ZNF423: variants seen among roughly 807,000 people sequenced by gnomAD.
ZNF423 encodes Ebf-associated zinc finger protein.
Under a neutral mutation model 95.8 loss-of-function variants are expected in ZNF423, and 12 were observed. The observed-to-expected ratio is 0.13, with a 90% CI of 0.08 to 0.20. The LOEUF (loss-of-function observed/expected upper bound fraction) is 0.20. ZNF423 is among the 10% of genes least tolerant of loss of function. The pLI is 1.00. For missense variants in ZNF423, 1,316 were observed against 1,737.1 expected, an observed-to-expected ratio of 0.76 and a Z score of 4.31; for synonymous variants, 749 against 711.9, an observed-to-expected ratio of 1.05 and a Z score of -0.83.
chr16:49,836,906 C>T (rs1845855077), intron 1 of ZNF423, among the ~76,000 whole-genome samples: 1 of 152,188 alleles, frequency 6.6e-6, no homozygotes, highest in African/African-American at 2.4e-5. Flanking sequence ...ACCCTGGGAA[C>T]CCAGGACAGG....
Position 49,662,129 on chromosome 16 carries a change from C to T in ZNF423, c.302-23255G>A, listed in dbSNP as rs540085460. On this transcript the variant is annotated intron_variant, in intron 3 of 7. Coordinates refer to ENST00000563137, the MANE Select transcript of ZNF423 (RefSeq NM_001379286.1). The stretch of plus-strand genomic sequence containing the variant: ...ACCCCCACTCCCAGGTTACCCTTCT[C>T]GCGGGCATCCCCAATTTACCACCTC... Among the ~76,000 whole-genome samples, 11 of 152,318 alleles carry T rather than the reference C, an allele frequency of 7.2e-5. No homozygotes were observed. In the South Asian group the frequency reaches 8.3e-4, roughly 11 times the overall value.
intron 5 of ZNF423, among the ~76,000 whole-genome samples, chr16:49,611,609 G>A (rs1419389932): frequency 6.6e-6 from 1 of 151,834 alleles, no homozygotes; most frequent in East Asian, 1.9e-4. Context: ...GATAAACATA[G>A]AACAAGCAGA....
At chr16:49,548,928 G>C (rs547496588) in intron 5 of ZNF423, among the ~76,000 whole-genome samples, 1 of 152,246 alleles carries the variant, frequency 6.6e-6, no homozygotes, top group East Asian at 1.9e-4. Context: ...CTGCAACACT[G>C]GTCTGACCAG....
intron 3 of ZNF423, among the ~76,000 whole-genome samples, chr16:49,651,922 T>C (rs2151904848): frequency 6.6e-6 from 1 of 152,098 alleles, no homozygotes; most frequent in African/African-American, 2.4e-5. Flanking sequence ...CACAAGATGG[T>C]TTTCAAACAA....
rs1214672290 is a variant in ZNF423 at position 49,701,509 on chromosome 16, T to G, written c.301+29262A>C. Among the ~76,000 whole-genome samples the G allele has an allele frequency of 2.6e-5, 4 of 151,818 alleles. No homozygotes were observed. The South Asian group carries it at 8.3e-4, about 32-fold the overall frequency. Reference sequence around the variant, plus strand: ...GGAGGGGAGCAAGTGGGCCAATATCTCAAACCGACCCCAAACGGTTAATGA... The same window carrying G: ...GGAGGGGAGCAAGTGGGCCAATATCGCAAACCGACCCCAAACGGTTAATGA... On this transcript the variant is annotated intron_variant, in intron 3 of 7. Transcript: ENST00000563137.
chr16:49,508,187 C>T (rs942531505), intron 7 of ZNF423, among the ~76,000 whole-genome samples: 3 of 152,078 alleles, frequency 2.0e-5, no homozygotes, highest in Non-Finnish European at 4.4e-5. Context: ...AAAGCACTAG[C>T]TAAATGACTC....
intron 2 of ZNF423, among the ~76,000 whole-genome samples, chr16:49,787,194 C>T (rs560250567): frequency 7.9e-5 from 12 of 152,252 alleles, no homozygotes; most frequent in Admixed American, 2.0e-4. Context: ...CCGTCTCACA[C>T]GCCCAGTGCT....
At chr16:49,753,925 AGAGGCT>A (rs1188362103) in intron 2 of ZNF423, among the ~76,000 whole-genome samples, 1 of 151,664 alleles carries the variant, frequency 6.6e-6, no homozygotes, top group Non-Finnish European at 1.5e-5. Flanking sequence ...CAGCTACTCC[AGAGGCT>A]GAGGCAGGAG....
chr16:49,492,706 C>T lies in ZNF423; in HGVS notation c.3850-1402G>A, dbSNP rs1005984920. On this transcript the variant is annotated intron_variant, in intron 7 of 7. Transcript: ENST00000563137. This position sits in a 1 kb window ranked among gnomAD's most constrained non-coding sequence, Gnocchi z 4.2. ...TGCTCATGCGGGCGGAGCAGGCGCACGGCCGGGGCTTGGTGGGCATGCGTG... is the reference window on the plus strand; with the variant it reads ...TGCTCATGCGGGCGGAGCAGGCGCATGGCCGGGGCTTGGTGGGCATGCGTG... Among the ~76,000 whole-genome samples, 2 of 152,158 alleles carry T rather than the reference C, an allele frequency of 1.3e-5. No homozygotes were observed. The highest frequency in any genetic ancestry group is 2.9e-5 in the Non-Finnish European group (2 of 68,010).
chr16:49,640,554 C>A (rs907883779), intron 3 of ZNF423, among the ~76,000 whole-genome samples: 2 of 152,174 alleles, frequency 1.3e-5, no homozygotes, highest in Non-Finnish European at 2.9e-5. Context: ...GGGTCCCTCA[C>A]AGCTGGGGCT....
intron 4 of ZNF423, among the ~76,000 whole-genome samples, chr16:49,628,534 T>TATCCATCCATCC (rs60254976): frequency 5.0e-4 from 76 of 150,992 alleles, no homozygotes; most frequent in African/African-American, 1.8e-3. Context: ...TCCATCCATC[T>TATCCATCCATCC]ATCCATCCAT....
chr16:49,729,013 G>A (rs906965905), intron 3 of ZNF423, among the ~76,000 whole-genome samples: 3 of 152,180 alleles, frequency 2.0e-5, no homozygotes, highest in African/African-American at 7.2e-5. Flanking sequence ...TTACAGGCAT[G>A]AGCCATCGTG....
At position 49,574,262 on chromosome 16, in the gene ZNF423, G is replaced by A. The variant is rs763372052; in HGVS notation, c.3602-48768C>T. On this transcript the variant is annotated intron_variant, in intron 5 of 7. Transcript: ENST00000563137. ...TAGCCATGCATGGTGGTACATGCCT[G>A]TGGTCCCAGCTAATCAGGAAGCTGA... is the stretch of plus-strand genomic sequence containing the variant. Among the ~76,000 whole-genome samples, 199 of 152,174 alleles carry A rather than the reference G, an allele frequency of 1.3e-3. 3 individuals carry two copies. The highest frequency in any genetic ancestry group is 3.4e-4 in the Non-Finnish European group (23 of 68,032).
intron 3 of ZNF423, 56 bp downstream of exon 3, chr16:49,730,715 T>G (rs1269524795): frequency 6.4e-7 from 1 of 1,569,608 alleles, no homozygotes. Context: ...AAGCTGTTGC[T>G]ATGTCCAATT....
intron 3 of ZNF423, among the ~76,000 whole-genome samples, chr16:49,708,623 C>T (rs2032438297): frequency 6.6e-6 from 1 of 152,136 alleles, no homozygotes; most frequent in African/African-American, 2.4e-5. Context: ...ACTCTACCAC[C>T]TCAGGGACCC....
At chr16:49,494,563 G>A (rs1596994914) in intron 7 of ZNF423, among the ~76,000 whole-genome samples, 1 of 152,340 alleles carries the variant, frequency 6.6e-6, no homozygotes, top group East Asian at 1.9e-4. Context: ...GGTGCAGCTG[G>A]CAGCTCAGCT....
At chr16:49,588,756 A>G (rs955091646) in intron 5 of ZNF423, among the ~76,000 whole-genome samples, 10 of 152,242 alleles carry the variant, frequency 6.6e-5, no homozygotes, top group African/African-American at 2.4e-4. Flanking sequence ...TATCTACCTC[A>G]ATCCAAAGCC....
At chr16:49,502,511 C>T (rs1402346029) in intron 7 of ZNF423, among the ~76,000 whole-genome samples, 6 of 151,948 alleles carry the variant, frequency 3.9e-5, no homozygotes, top group Non-Finnish European at 8.8e-5. Flanking sequence ...ACGGCTGTCT[C>T]GGGGGTTGTC....
chr16:49,500,033 A>G (rs1319589579), intron 7 of ZNF423, among the ~76,000 whole-genome samples: 2 of 152,146 alleles, frequency 1.3e-5, no homozygotes, highest in African/African-American at 4.8e-5. Context: ...GAATTGGGTG[A>G]GCGGTGAGAC....
Sources: allele counts gnomAD v4.1 joint callset (sites outside exome capture counted in the v4.1 genomes callset), GRCh38; gene constraint gnomAD v4.1.1; non-coding constraint Gnocchi (gnomAD v3.1); transcripts MANE v1.5; gene names NCBI Gene and HGNC (gene_info 2026-07-23, HGNC 2026-07-21).